FBLN5: variants seen among roughly 807,000 people sequenced by gnomAD.
FBLN5 encodes the protein fibulin-5.
FBLN5 carries 24 observed loss-of-function variants against 61.6 expected under a neutral mutation model. The observed-to-expected ratio is 0.39, with a 90% CI of 0.28 to 0.55. FBLN5 has a LOEUF of 0.55. Ranked by LOEUF, FBLN5 falls within the 20% of genes least tolerant of loss-of-function variation. The probability of loss-of-function intolerance (pLI) is 0.65; values close to 1 mark genes in which losing one functional copy is unlikely to be tolerated. For synonymous variants in FBLN5, 213 were observed against 219.8 expected (o/e 0.97, Z 0.27); for missense variants, 470 against 594.1 (o/e 0.79, Z 2.17).
chr14:91,899,095 C>T (rs1248674245), intron 4 of FBLN5, among the ~76,000 whole-genome samples: 2 of 152,120 alleles, frequency 1.3e-5, no homozygotes, highest in Non-Finnish European at 2.9e-5. Context: ...AGCCACCGTG[C>T]CCGGCCCCCA....
At chr14:91,881,598 A>G (rs1202786095) in intron 8 of FBLN5, among the ~76,000 whole-genome samples, 180 bp from the exon 9 acceptor site, 2 of 150,278 alleles carry the variant, frequency 1.3e-5, no homozygotes, top group Non-Finnish European at 3.0e-5. Context: ...TGCTGTAAGT[A>G]GAAAATACAC....
At chr14:91,914,725 G>T (rs575065155) in intron 4 of FBLN5, among the ~76,000 whole-genome samples, 1 of 150,650 alleles carries the variant, frequency 6.6e-6, no homozygotes, top group Admixed American at 6.6e-5. Context: ...AAAAGCAAAA[G>T]GAAAAGAAAG....
chr14:91,887,622 C>G (rs1889788103), intron 6 of FBLN5, among the ~76,000 whole-genome samples: 1 of 152,144 alleles, frequency 6.6e-6, no homozygotes, highest in Non-Finnish European at 1.5e-5. Flanking sequence ...ACGCACCCCC[C>G]CAACCAGGAA....
intron 4 of FBLN5, among the ~76,000 whole-genome samples, chr14:91,933,425 C>A (rs887590096): frequency 6.6e-6 from 1 of 152,086 alleles, no homozygotes; most frequent in African/African-American, 2.4e-5. Context: ...CAGGTGCATA[C>A]CACCACACCC....
chr14:91,929,319 T>C (rs1177995958), intron 4 of FBLN5, among the ~76,000 whole-genome samples: 3 of 152,218 alleles, frequency 2.0e-5, no homozygotes, highest in African/African-American at 7.2e-5. Context: ...GTACTGCTAA[T>C]AGTCCTGTGG....
chr14:91,932,865 C>T (rs2268005), intron 4 of FBLN5, among the ~76,000 whole-genome samples: 40,217 of 152,188 alleles, frequency 0.26, 5,288 homozygotes, highest in Middle Eastern at 0.36. Flanking sequence ...GACTTGTCAA[C>T]CAATGCAATT....
At chr14:91,881,745 A>C (rs1889483820) in intron 8 of FBLN5, among the ~76,000 whole-genome samples, 1 of 151,772 alleles carries the variant, frequency 6.6e-6, no homozygotes, top group Non-Finnish European at 1.5e-5. Context: ...CTGGGCAACA[A>C]AGCAAGGTCT....
chr14:91,918,428 C>A (rs1343085495), intron 4 of FBLN5, among the ~76,000 whole-genome samples: 1 of 152,078 alleles, frequency 6.6e-6, no homozygotes, highest in East Asian at 1.9e-4. Flanking sequence ...GGAGGAGTAT[C>A]CATAGAGCTG....
At chr14:91,891,130 A>C in intron 6 of FBLN5, 91 bp downstream of exon 6, 1 of 800,500 alleles carries the variant, frequency 1.2e-6, no homozygotes, top group African/African-American at 1.7e-5. Flanking sequence ...CTGTAGCAGC[A>C]GTATTTCCCA....
At chr14:91,897,646 G>A (rs1160091474) in intron 4 of FBLN5, among the ~76,000 whole-genome samples, 1 of 152,252 alleles carries the variant, frequency 6.6e-6, no homozygotes, top group Non-Finnish European at 1.5e-5. Context: ...GCTGGACTCA[G>A]AAGGGCACAA....
chr14:91,939,407 T>C (rs1436050481), intron 3 of FBLN5, among the ~76,000 whole-genome samples: 2 of 150,444 alleles, frequency 1.3e-5, no homozygotes, highest in East Asian at 3.9e-4. Context: ...TGGTGCGATC[T>C]CAGCTCATTG....
At chr14:91,946,660 T>C (rs2140061365) in intron 1 of FBLN5, 1 of 1,391,312 alleles carries the variant, frequency 7.2e-7, no homozygotes, top group South Asian at 1.2e-5. Context: ...ACTTAAGGAT[T>C]ACTTAACTGT....
chr14:91,881,455 A>T, intron 8 of FBLN5, 37 bp from the exon 9 acceptor site: 1 of 1,613,582 alleles, frequency 6.2e-7, no homozygotes, highest in South Asian at 1.1e-5. Flanking sequence ...GAGGCAGGGC[A>T]TTATTGGCCA....
At position 91,916,318 on chromosome 14, in the gene FBLN5, G is replaced by A. The variant is rs193198605; in HGVS notation, c.379+20629C>T. Among the ~76,000 whole-genome samples, 6 of 152,236 alleles carry A rather than the reference G, an allele frequency of 3.9e-5. No homozygotes were observed. The East Asian group carries it at 1.2e-3, about 29-fold the overall frequency. On this transcript the variant is annotated intron_variant, in intron 4 of 10. Coordinates refer to ENST00000342058, the MANE Select transcript of FBLN5 (RefSeq NM_006329.4). The stretch of plus-strand genomic sequence containing the variant: ...CAAAAATTAGCCAGGCCTGGTGGCC[G>A]GTGCCTGTAATCCCAGCTACTCAGG...
intron 7 of FBLN5, 148 bp downstream of exon 7, chr14:91,887,045 G>T: frequency 1.2e-6 from 1 of 852,438 alleles, no homozygotes; most frequent in Non-Finnish European, 2.0e-6. Flanking sequence ...TGTTCTGTGT[G>T]ATTCTGACCC....
rs1271189919 is a variant in FBLN5 at position 91,869,810 on chromosome 14, G to A, written c.*414C>T. 1.2e-5 allele frequency: 3 copies of A among 259,764 alleles called. No homozygotes were observed. The highest frequency in any genetic ancestry group is 4.9e-5 in the Admixed American group (1 of 20,386). The allele number at this position is 259,764 out of a possible 1,614,324, so 16.1% of individuals were successfully genotyped here. ...CCCAGGGTTCCCCGCCAGCTCCCGG[G>A]TCTTTGCAAAGCAGTAACACAGTGA... is the stretch of plus-strand genomic sequence containing the variant. On this transcript the variant is annotated 3_prime_UTR_variant, in exon 11 of 11. Coordinates refer to ENST00000342058, the MANE Select transcript of FBLN5 (RefSeq NM_006329.4).
In FBLN5 at chr14:91,876,089, G is replaced by A. The variant is rs185861029; in HGVS notation, c.1185+1398C>T. Among the ~76,000 whole-genome samples the A allele has an allele frequency of 6.6e-3, 1,007 of 152,328 alleles. 4 individuals carry two copies. Among genetic ancestry groups the A allele is most frequent in the Non-Finnish European group, 9.6e-3 (651 of 68,026 alleles). On this transcript the variant is annotated intron_variant, in intron 10 of 10. Coordinates refer to ENST00000342058, the MANE Select transcript of FBLN5 (RefSeq NM_006329.4). Reference sequence around the variant, plus strand: ...ATCCTAAAGTAAACACTCATCTAGAGGTCCAGAGGTGTTAGGTCACATCAC... The same window carrying A: ...ATCCTAAAGTAAACACTCATCTAGAAGTCCAGAGGTGTTAGGTCACATCAC...
intron 5 of FBLN5, among the ~76,000 whole-genome samples, chr14:91,894,428 C>CAAAA (rs1491576623): frequency 5.5e-5 from 4 of 72,600 alleles, no homozygotes; most frequent in Non-Finnish European, 7.5e-5. Context: ...AAAAAAAAAA[C>CAAAA]CGAAAAAAAC....
At chr14:91,912,879 C>T (rs552478132) in intron 4 of FBLN5, among the ~76,000 whole-genome samples, 1 of 151,016 alleles carries the variant, frequency 6.6e-6, no homozygotes, top group African/African-American at 2.4e-5. Flanking sequence ...CTTTAATATG[C>T]TAAAGAGGTT....
Sources: allele counts gnomAD v4.1 joint callset (sites outside exome capture counted in the v4.1 genomes callset), GRCh38; gene constraint gnomAD v4.1.1; transcripts MANE v1.5; gene names NCBI Gene and HGNC (gene_info 2026-07-23, HGNC 2026-07-21).